ARMC2: variants seen among roughly 807,000 people sequenced by gnomAD.
ARMC2 encodes the protein armadillo repeat-containing protein 2.
ARMC2 carries 67 observed loss-of-function variants against 90.3 expected under a neutral mutation model. That is an observed-to-expected ratio of 0.74 (90% CI 0.61 to 0.91). The LOEUF (loss-of-function observed/expected upper bound fraction) is 0.91. Among genes scored for constraint, ARMC2 ranks in the 40% least tolerant of loss-of-function variants. The probability of loss-of-function intolerance (pLI) is 0.00; values close to 1 mark genes in which losing one functional copy is unlikely to be tolerated. For missense variants in ARMC2, 920 were observed against 1,030.9 expected (o/e 0.89, Z 1.47); for synonymous variants, 393 against 393.0 (o/e 1.00, Z 0.00).
chr6:108,992,953 GA>G, the ARMC2 span: 1 of 1,182,948 alleles, frequency 8.5e-7, no homozygotes, highest in East Asian at 2.4e-5. Flanking sequence ...AGTTAAAATT[GA>G]TTTTACCCAA....
intron 1 of ARMC2, among the ~76,000 whole-genome samples, chr6:108,851,583 G>A (rs1349752045): frequency 6.6e-6 from 1 of 152,012 alleles, no homozygotes; most frequent in African/African-American, 2.4e-5. Flanking sequence ...CATCTAGTGG[G>A]TAAGAGTTTG....
the ARMC2 span, among the ~76,000 whole-genome samples, chr6:108,993,179 G>C: frequency 6.6e-6 from 1 of 152,054 alleles, no homozygotes; most frequent in East Asian, 1.9e-4. Context: ...CAATTTATAT[G>C]TATTAGGTTC....
Position 108,944,467 on chromosome 6 carries a change from TC to T in ARMC2, c.1596+7471del, listed in dbSNP as rs527584830. ...GGCTTCAAGCACTGGCCAGAGTGGC[TC>T]CCTCAGGAGAGATGGGCACAGGCTC... is the stretch of plus-strand genomic sequence containing the variant. On this transcript the variant is annotated intron_variant, in intron 12 of 17. Transcript: ENST00000392644. 2.0e-5 allele frequency among the ~76,000 whole-genome samples: 3 copies of T among 152,264 alleles called. No individual in the cohort carries two copies. In the South Asian group the frequency reaches 6.2e-4, roughly 32 times the overall value.
the ARMC2 span, among the ~76,000 whole-genome samples, chr6:109,030,797 A>T: frequency 6.6e-6 from 1 of 152,350 alleles, no homozygotes; most frequent in Non-Finnish European, 1.5e-5. Flanking sequence ...AACTTCTTAC[A>T]ACAACCTTGT....
chr6:108,988,261 T>C, the ARMC2 span: 3 of 257,198 alleles, frequency 1.2e-5, no homozygotes, highest in Non-Finnish European at 1.5e-5. Flanking sequence ...AACAGACACT[T>C]CTACCTATAC....
chr6:108,937,014 C>A lies in ARMC2; in HGVS notation c.1596+15C>A, dbSNP rs771413585. On this transcript the variant is annotated intron_variant, in intron 12 of 17. Coordinates refer to ENST00000392644, the MANE Select transcript of ARMC2 (RefSeq NM_032131.6). ...AGAAGAAGCAGGTCAGTTCTTCATT[C>A]ATTTAATTCTTCAATGAGTCTTTAC... 1.1e-5 allele frequency: 17 copies of A among 1,549,224 alleles called. No homozygotes were observed. Among genetic ancestry groups the A allele is most frequent in the Non-Finnish European group, 1.5e-5 (17 of 1,137,048 alleles).
At chr6:109,022,332 A>G in the ARMC2 span, among the ~76,000 whole-genome samples, 8 of 151,252 alleles carry the variant, frequency 5.3e-5, no homozygotes, top group East Asian at 1.6e-3. Context: ...TTCCAGAAGC[A>G]GGGCAATGCT....
the ARMC2 span, among the ~76,000 whole-genome samples, chr6:109,048,881 T>TGAA: frequency 6.6e-6 from 1 of 152,200 alleles, no homozygotes; most frequent in Non-Finnish European, 1.5e-5. Context: ...CTCCAATGTG[T>TGAA]GAAGTTCAGA....
At chr6:108,893,833 A>G (rs1771336575) in intron 5 of ARMC2, among the ~76,000 whole-genome samples, 1 of 152,000 alleles carries the variant, frequency 6.6e-6, no homozygotes, top group African/African-American at 2.4e-5. Context: ...CCTGGCCAAC[A>G]TGGCGAAACC....
chr6:108,994,603 C>T, the ARMC2 span: 3 of 1,604,820 alleles, frequency 1.9e-6, no homozygotes, highest in Non-Finnish European at 1.7e-6. Flanking sequence ...AAGAAAGAAT[C>T]ACTTACCTGA....
chr6:109,035,721 C>A, the ARMC2 span, among the ~76,000 whole-genome samples: 1 of 152,142 alleles, frequency 6.6e-6, no homozygotes, highest in Non-Finnish European at 1.5e-5. Flanking sequence ...CCACCTTAGC[C>A]TCCCCAGTAG....
intron 12 of ARMC2, 41 bp from the exon 13 acceptor site, chr6:108,952,992 G>T: frequency 1.3e-6 from 2 of 1,524,066 alleles, no homozygotes; most frequent in Non-Finnish European, 1.8e-6. Context: ...ATGTGTTCCA[G>T]CCCCCTTTGC....
intron 5 of ARMC2, among the ~76,000 whole-genome samples, chr6:108,883,362 C>T (rs998133763): frequency 6.6e-6 from 1 of 152,132 alleles, no homozygotes; most frequent in Non-Finnish European, 1.5e-5. Flanking sequence ...AAATTCAAAA[C>T]CTAGAAATGA....
chr6:108,969,626 G>A (rs1214301593), intron 17 of ARMC2, among the ~76,000 whole-genome samples: 1 of 152,158 alleles, frequency 6.6e-6, no homozygotes, highest in Non-Finnish European at 1.5e-5. Context: ...ATTTAGTAAA[G>A]ACAAGTATTA....
At chr6:108,960,207 C>T (rs1362640219) in intron 13 of ARMC2, among the ~76,000 whole-genome samples, 4 of 152,054 alleles carry the variant, frequency 2.6e-5, no homozygotes, top group Non-Finnish European at 4.4e-5. Context: ...TTATGTGCAC[C>T]GGCGGGGGAC....
intron 17 of ARMC2, among the ~76,000 whole-genome samples, chr6:108,970,944 T>G (rs1225689125): frequency 6.6e-6 from 1 of 152,088 alleles, no homozygotes; most frequent in African/African-American, 2.4e-5. Flanking sequence ...AATCACTGGC[T>G]GGGCGCTGTG....
At chr6:108,866,041 T>A (rs1334556165) in intron 3 of ARMC2, among the ~76,000 whole-genome samples, 3 of 148,002 alleles carry the variant, frequency 2.0e-5, no homozygotes, top group Non-Finnish European at 4.5e-5. Flanking sequence ...AAAAAAAAGA[T>A]CTCTCATTTA....
At chr6:108,870,196 C>A (rs564548324) in intron 4 of ARMC2, among the ~76,000 whole-genome samples, 24 of 152,222 alleles carry the variant, frequency 1.6e-4, no homozygotes, top group African/African-American at 5.5e-4. Context: ...ATCACAGCCC[C>A]CACCTGAGCA....
chr6:108,949,170 C>G, intron 12 of ARMC2, among the ~76,000 whole-genome samples: 1 of 152,186 alleles, frequency 6.6e-6, no homozygotes, highest in East Asian at 1.9e-4. Flanking sequence ...CCTTTCCTGT[C>G]TTGTTTAACA....
Sources: allele counts gnomAD v4.1 joint callset (sites outside exome capture counted in the v4.1 genomes callset), GRCh38; gene constraint gnomAD v4.1.1; transcripts MANE v1.5; gene names NCBI Gene and HGNC (gene_info 2026-07-23, HGNC 2026-07-21).